The following HS6ST3 variants were observed in gnomAD, a reference collection of about 807,000 sequenced individuals.
HS6ST3 encodes the protein heparan-sulfate 6-O-sulfotransferase 3.
Under a neutral mutation model 36.7 loss-of-function variants are expected in HS6ST3, and 12 were observed. That is an observed-to-expected ratio of 0.33 (90% CI 0.21 to 0.53). The LOEUF is 0.53. Ranked by LOEUF, HS6ST3 falls within the 20% of genes least tolerant of loss-of-function variation. HS6ST3 has a pLI of 0.95. For missense variants in HS6ST3, 584 were observed against 640.9 expected (o/e 0.91, Z 0.96); for synonymous variants, 240 against 257.5 (o/e 0.93, Z 0.65).
In HS6ST3 at chr13:96,103,961, T is replaced by TGG. The variant is rs1566882529; in HGVS notation, c.707+12392_707+12393insGG. ...AGATCAAGGTTTGAGGTGTTTTTTT[T>TGG]TTTTTTTTTTTCCCATTGCTTTACC... On this transcript the variant is annotated intron_variant, in intron 1 of 1. Transcript: ENST00000376705. Among the ~76,000 whole-genome samples the TGG allele has an allele frequency of 1.5e-4, 22 of 150,698 alleles. No individual in the cohort carries two copies. In the South Asian group the frequency reaches 4.0e-3, roughly 27 times the overall value.
chr13:96,542,019 C>T (rs1185432104), intron 1 of HS6ST3, among the ~76,000 whole-genome samples: 1 of 152,172 alleles, frequency 6.6e-6, no homozygotes, highest in Non-Finnish European at 1.5e-5. Flanking sequence ...TGGATCAAAG[C>T]ACTTTTACCT....
intron 1 of HS6ST3, among the ~76,000 whole-genome samples, chr13:96,254,727 A>C (rs2054628742): frequency 1.3e-5 from 2 of 151,928 alleles, no homozygotes; most frequent in Admixed American, 6.6e-5. Flanking sequence ...CTCAAAGGGA[A>C]GGACAGACTC....
intron 1 of HS6ST3, among the ~76,000 whole-genome samples, chr13:96,195,902 A>G (rs1288072482): frequency 6.6e-6 from 1 of 152,204 alleles, no homozygotes; most frequent in African/African-American, 2.4e-5. Flanking sequence ...CTTGAACAGT[A>G]CCTGGCATGT....
At chr13:96,671,039 AG>A (rs1161146107) in intron 1 of HS6ST3, among the ~76,000 whole-genome samples, 7 of 152,130 alleles carry the variant, frequency 4.6e-5, no homozygotes, top group Non-Finnish European at 8.8e-5. Context: ...CTGAACACTT[AG>A]GGGTAATGAA....
At chr13:96,613,928 TGAACATAAA>T (rs1185073644) in intron 1 of HS6ST3, among the ~76,000 whole-genome samples, 3 of 152,140 alleles carry the variant, frequency 2.0e-5, no homozygotes, top group Admixed American at 6.5e-5. Context: ...TGCTGTGCAG[TGAACATAAA>T]GACCTGTAAG....
chr13:96,633,924 G>A (rs1342095388), intron 1 of HS6ST3, among the ~76,000 whole-genome samples: 1 of 152,134 alleles, frequency 6.6e-6, no homozygotes, highest in Admixed American at 6.5e-5. Flanking sequence ...GATTCCCAAT[G>A]TGACAACATT....
At chr13:96,485,106 A>G (rs2055907660) in intron 1 of HS6ST3, among the ~76,000 whole-genome samples, 1 of 152,148 alleles carries the variant, frequency 6.6e-6, no homozygotes. Context: ...GAATCAGTTT[A>G]TCAATGTCCA....
intron 1 of HS6ST3, among the ~76,000 whole-genome samples, chr13:96,616,259 A>G (rs755090328): frequency 6.6e-6 from 1 of 152,180 alleles, no homozygotes; most frequent in Non-Finnish European, 1.5e-5. Flanking sequence ...TAATCCATAA[A>G]CTAGACAATT....
intron 1 of HS6ST3, among the ~76,000 whole-genome samples, chr13:96,099,699 C>T (rs1322183524): frequency 2.0e-5 from 3 of 152,082 alleles, no homozygotes; most frequent in Non-Finnish European, 4.4e-5. Flanking sequence ...TATGTTTGCT[C>T]CTGCTTTCTA....
intron 1 of HS6ST3, among the ~76,000 whole-genome samples, chr13:96,210,434 G>A (rs2054393116): frequency 6.6e-6 from 1 of 152,114 alleles, no homozygotes; most frequent in Non-Finnish European, 1.5e-5. Context: ...GTGACCCTGG[G>A]TCTCTAGGGT....
intron 1 of HS6ST3, among the ~76,000 whole-genome samples, chr13:96,168,884 T>A (rs1189183140): frequency 6.6e-6 from 1 of 152,102 alleles, no homozygotes; most frequent in African/African-American, 2.4e-5. Context: ...ATAGTGAACA[T>A]TGTACCAAAT....
chr13:96,257,189 T>C (rs1157626750), intron 1 of HS6ST3, among the ~76,000 whole-genome samples: 8 of 152,174 alleles, frequency 5.3e-5, no homozygotes, highest in Non-Finnish European at 4.4e-5. Context: ...TTGAGATTAA[T>C]GGGTTTAACA....
intron 1 of HS6ST3, among the ~76,000 whole-genome samples, chr13:96,253,901 A>G (rs2054619222): frequency 6.6e-6 from 1 of 152,194 alleles, no homozygotes; most frequent in African/African-American, 2.4e-5. Flanking sequence ...TTGCAAAAAG[A>G]AGGCATTGCA....
chr13:96,814,387 G>T (rs1878378311), intron 1 of HS6ST3, among the ~76,000 whole-genome samples: 1 of 152,132 alleles, frequency 6.6e-6, no homozygotes, highest in Non-Finnish European at 1.5e-5. Context: ...GAGTTCTGAT[G>T]AGAAAATCGT....
At chr13:96,731,205 T>A (rs1876143897) in intron 1 of HS6ST3, among the ~76,000 whole-genome samples, 1 of 152,234 alleles carries the variant, frequency 6.6e-6, no homozygotes, top group South Asian at 2.1e-4. Flanking sequence ...TTTCTAACTA[T>A]AAATATAGTT....
intron 1 of HS6ST3, among the ~76,000 whole-genome samples, chr13:96,582,062 T>C (rs1480460596): frequency 6.6e-6 from 1 of 152,210 alleles, no homozygotes; most frequent in Non-Finnish European, 1.5e-5. Flanking sequence ...GCAGATCTGG[T>C]GTCTAGATCT....
At chr13:96,546,241 C>T (rs1594804004) in intron 1 of HS6ST3, among the ~76,000 whole-genome samples, 1 of 151,934 alleles carries the variant, frequency 6.6e-6, no homozygotes, top group Non-Finnish European at 1.5e-5. Context: ...CAAGCAGAAC[C>T]TTTAGGAGTG....
chr13:96,693,554 C>A (rs1467397078), intron 1 of HS6ST3, among the ~76,000 whole-genome samples: 1 of 152,164 alleles, frequency 6.6e-6, no homozygotes, highest in Non-Finnish European at 1.5e-5. Flanking sequence ...CCACCTGTCT[C>A]GGCCTCCCAA....
chr13:96,507,705 C>T (rs2138917520), intron 1 of HS6ST3, among the ~76,000 whole-genome samples: 1 of 152,104 alleles, frequency 6.6e-6, no homozygotes, highest in Middle Eastern at 3.4e-3. Flanking sequence ...CTACGCGCAT[C>T]TTAAAAATGT....
Sources: allele counts gnomAD v4.1 joint callset (sites outside exome capture counted in the v4.1 genomes callset), GRCh38; gene constraint gnomAD v4.1.1; transcripts MANE v1.5; gene names NCBI Gene and HGNC (gene_info 2026-07-23, HGNC 2026-07-21).